TENM4: variants seen among roughly 807,000 people sequenced by gnomAD.
TENM4 encodes the protein teneurin-4.
In TENM4, 82 loss-of-function variants were observed where a neutral mutation model predicts 243.3. The ratio of observed to expected loss-of-function variants is 0.34; its 90% CI spans 0.28 to 0.40. The LOEUF is 0.40. Among genes scored for constraint, TENM4 ranks in the 10% least tolerant of loss-of-function variants. TENM4 has a pLI of 1.00. For missense variants in TENM4, 3,138 were observed against 3,673.3 expected (o/e 0.85, Z 3.77); for synonymous variants, 1,412 against 1,456.3 (o/e 0.97, Z 0.69).
At chr11:78,862,796 C>A (rs1858856148) in intron 10 of TENM4, among the ~76,000 whole-genome samples, 166 bp downstream of exon 10, 1 of 152,204 alleles carries the variant, frequency 6.6e-6, no homozygotes, top group African/African-American at 2.4e-5. Context: ...GATGAAGACA[C>A]AGGTGGACTG....
At chr11:78,751,659 G>A (rs1480065266) in intron 19 of TENM4, among the ~76,000 whole-genome samples, 2 of 152,138 alleles carry the variant, frequency 1.3e-5, no homozygotes, top group Non-Finnish European at 2.9e-5. Context: ...ACTATTCACT[G>A]AGGGGATATC....
chr11:79,260,461 A>T (rs926634236), intron 2 of TENM4, among the ~76,000 whole-genome samples: 3 of 152,202 alleles, frequency 2.0e-5, no homozygotes, highest in African/African-American at 7.2e-5. Flanking sequence ...CACCTTAAAA[A>T]ATAGAGATTG....
intron 6 of TENM4, among the ~76,000 whole-genome samples, chr11:79,017,934 G>T (rs928600056): frequency 9.9e-5 from 15 of 152,122 alleles, no homozygotes; most frequent in Non-Finnish European, 1.5e-4. Context: ...ATTTTACACT[G>T]GGTTCCACAA....
chr11:79,430,453 C>T (rs1325106950), intron 1 of TENM4, among the ~76,000 whole-genome samples: 1 of 152,156 alleles, frequency 6.6e-6, no homozygotes, highest in East Asian at 1.9e-4. Flanking sequence ...TGGCAGGGGT[C>T]ATGTTGAGTA....
At chr11:79,068,415 G>A (rs1191935016) in intron 5 of TENM4, 1 of 152,202 alleles carries the variant, frequency 6.6e-6, no homozygotes, top group Non-Finnish European at 1.5e-5. Context: ...CATTTTTCAA[G>A]CCTCACAGGC....
At chr11:78,777,148 T>G (rs1474169059) in intron 17 of TENM4, among the ~76,000 whole-genome samples, 1 of 152,114 alleles carries the variant, frequency 6.6e-6, no homozygotes, top group Non-Finnish European at 1.5e-5. Flanking sequence ...ATGATAAAAT[T>G]TAGCCCACCC....
At chr11:79,056,324 C>A (rs1295408498) in intron 6 of TENM4, among the ~76,000 whole-genome samples, 2 of 152,122 alleles carry the variant, frequency 1.3e-5, no homozygotes, top group African/African-American at 4.8e-5. Flanking sequence ...CTGAGCCTTC[C>A]TTTTCCTCCC....
At chr11:78,827,316 T>C (rs1284824157) in intron 12 of TENM4, among the ~76,000 whole-genome samples, 1 of 152,002 alleles carries the variant, frequency 6.6e-6, no homozygotes, top group Non-Finnish European at 1.5e-5. Flanking sequence ...GTAAGGTCTT[T>C]CTCATGCCCT....
intron 1 of TENM4, among the ~76,000 whole-genome samples, chr11:79,427,944 C>T (rs1039345891): frequency 5.3e-5 from 8 of 152,204 alleles, no homozygotes; most frequent in African/African-American, 1.9e-4. Flanking sequence ...GAGGCTACAA[C>T]AATACTGACA....
At chr11:79,356,653 C>T (rs761203658) in intron 1 of TENM4, among the ~76,000 whole-genome samples, 8 of 151,978 alleles carry the variant, frequency 5.3e-5, no homozygotes, top group East Asian at 3.9e-4. Flanking sequence ...TAATAGATAA[C>T]GAAAGGGCTT....
Position 78,669,068 on chromosome 11 carries a change from C to T in TENM4, c.7277G>A (p.Gly2426Glu). 1 of 1,613,954 alleles carries T rather than the reference C, an allele frequency of 6.2e-7. No homozygotes were observed. Among genetic ancestry groups the T allele is most frequent in the East Asian group, 2.2e-5 (1 of 44,884 alleles). Residue 2426 changes from glycine (G) to glutamate (E), a missense_variant, in exon 32 of 34, where the codon GGA becomes GAA. Coordinates refer to ENST00000278550, the MANE Select transcript of TENM4 (RefSeq NM_001098816.3). The surrounding 1 kb of genome is among the most constrained non-coding windows in gnomAD (Gnocchi z 6.4). Reference protein sequence around the residue: ...MGRRDYDVLAGRWTSPDHELW... With the variant: ...MGRRDYDVLAERWTSPDHELW... ...CTCGTGGTCTGGGCTAGTCCAGCGTCCGGCCAGCACATCATAATCTCGCCG... is the reference window on the plus strand; with the variant it reads ...CTCGTGGTCTGGGCTAGTCCAGCGTTCGGCCAGCACATCATAATCTCGCCG...
chr11:79,155,633 C>T (rs1297501766), intron 3 of TENM4, among the ~76,000 whole-genome samples: 1 of 113,686 alleles, frequency 8.8e-6, no homozygotes, highest in Middle Eastern at 4.8e-3. Flanking sequence ...TCCCTCCCTT[C>T]CATCCTTCCT....
At chr11:79,385,231 G>T (rs926561096) in intron 1 of TENM4, among the ~76,000 whole-genome samples, 1 of 152,208 alleles carries the variant, frequency 6.6e-6, no homozygotes, top group African/African-American at 2.4e-5. Context: ...AATCAAATCA[G>T]AACCTCTGGG....
At chr11:78,812,578 T>C (rs1207014650) in intron 13 of TENM4, among the ~76,000 whole-genome samples, 1 of 152,224 alleles carries the variant, frequency 6.6e-6, no homozygotes, top group Non-Finnish European at 1.5e-5. Context: ...ATGTTGCTGA[T>C]GGGGTACAGT....
rs539591701 is a variant in TENM4 at position 78,863,176 on chromosome 11, A to G, written c.1085-44T>C. 4.7e-5 allele frequency: 68 copies of G among 1,444,458 alleles called. 2 individuals carry two copies. In the South Asian group the frequency reaches 9.6e-4, roughly 20 times the overall value. The allele number at this position is 1,444,458 out of a possible 1,614,324, so 89.5% of individuals were successfully genotyped here. ...AAAGTCATCTTTTTCTGCTGGAGGC[A>G]GAAACGGGACTCCCAAGCCATAAGG... On this transcript the variant is annotated intron_variant, in intron 9 of 33. Transcript: ENST00000278550.
At chr11:78,795,746 A>G (rs12802741) in intron 15 of TENM4, among the ~76,000 whole-genome samples, 9,828 of 152,254 alleles carry the variant, frequency 0.065, 483 homozygotes, top group Non-Finnish European at 0.095. Flanking sequence ...TATATTTTGT[A>G]CAAATTAGCA....
chr11:79,137,011 A>G (rs1862122805), intron 4 of TENM4, among the ~76,000 whole-genome samples: 1 of 152,148 alleles, frequency 6.6e-6, no homozygotes, highest in Non-Finnish European at 1.5e-5. Flanking sequence ...TTTCTCCCAT[A>G]GCCAGGATTC....
chr11:78,970,872 A>G (rs992979048), intron 6 of TENM4, among the ~76,000 whole-genome samples: 1 of 152,240 alleles, frequency 6.6e-6, no homozygotes, highest in East Asian at 1.9e-4. Flanking sequence ...TGTACAGGAA[A>G]AAAGATTGGT....
At chr11:78,701,442 A>G in intron 28 of TENM4, 84 bp downstream of exon 28, 1 of 1,437,498 alleles carries the variant, frequency 7.0e-7, no homozygotes, top group Non-Finnish European at 9.3e-7. Context: ...CCTGAATTAA[A>G]ATAAAATACT....
Sources: gnomAD v4.1 joint callset for allele counts (sites outside exome capture counted in the v4.1 genomes callset) on GRCh38, gnomAD v4.1.1 for gene constraint, Gnocchi (gnomAD v3.1) non-coding constraint, MANE v1.5 for transcripts, NCBI Gene and HGNC (gene_info 2026-07-23, HGNC 2026-07-21) for gene names.